The following AGBL1 variants were observed in gnomAD, a reference collection of about 807,000 sequenced individuals.
The protein encoded by AGBL1 is AGBL carboxypeptidase 1.
Under a neutral mutation model 118.9 loss-of-function variants are expected in AGBL1, and 130 were observed. The observed-to-expected ratio is 1.09, with a 90% CI of 0.95 to 1.26. The LOEUF is 1.26. Ranked by LOEUF, AGBL1 falls within the 50% of genes most tolerant of loss-of-function variation. The pLI, the probability that AGBL1 is intolerant of heterozygous loss-of-function variation, is 0.00. For synonymous variants in AGBL1, 555 were observed against 478.9 expected, an observed-to-expected ratio of 1.16 and a Z score of -2.08; for missense variants, 1,584 against 1,298.1, an observed-to-expected ratio of 1.22 and a Z score of -3.38.
intron 19 of AGBL1, among the ~76,000 whole-genome samples, chr15:86,529,933 T>G (rs1206157481): frequency 7.3e-6 from 1 of 137,562 alleles, no homozygotes; most frequent in Admixed American, 7.0e-5. Flanking sequence ...CCACCAGGCC[T>G]GCCCTAAAAG....
At chr15:86,963,822 G>A (rs141728309) in intron 23 of AGBL1, among the ~76,000 whole-genome samples, 1 of 151,896 alleles carries the variant, frequency 6.6e-6, no homozygotes, top group African/African-American at 2.4e-5. Flanking sequence ...CCTAGTGGAC[G>A]AGTGTCTGAT....
chr15:86,610,475 A>G (rs2142389428), intron 21 of AGBL1, among the ~76,000 whole-genome samples: 1 of 152,310 alleles, frequency 6.6e-6, no homozygotes, highest in South Asian at 2.1e-4. Flanking sequence ...GTGAATGTGG[A>G]ATGTACTTTG....
chr15:86,144,914 T>A (rs1015709216), intron 3 of AGBL1, among the ~76,000 whole-genome samples: 1 of 152,228 alleles, frequency 6.6e-6, no homozygotes, highest in Non-Finnish European at 1.5e-5. Flanking sequence ...AACAGAAGAC[T>A]GTTAGGAGGT....
At chr15:86,609,193 A>G (rs1372407663) in intron 21 of AGBL1, among the ~76,000 whole-genome samples, 1 of 152,162 alleles carries the variant, frequency 6.6e-6, no homozygotes, top group South Asian at 2.1e-4. Context: ...ATGGATAAAG[A>G]TTGAGGAAAC....
At chr15:86,988,713 T>A (rs1352279122) in intron 24 of AGBL1, among the ~76,000 whole-genome samples, 3 of 152,178 alleles carry the variant, frequency 2.0e-5, no homozygotes, top group African/African-American at 7.2e-5. Context: ...AACTGTATAT[T>A]GCTAGTGTGT....
chr15:86,457,129 A>G (rs369113945), intron 18 of AGBL1, among the ~76,000 whole-genome samples: 1 of 148,366 alleles, frequency 6.7e-6, no homozygotes, highest in Non-Finnish European at 1.5e-5. Flanking sequence ...ACGCATTCTT[A>G]AAAAAAAGCT....
At chr15:86,747,637 C>A (rs2077776561) in intron 22 of AGBL1, among the ~76,000 whole-genome samples, 1 of 152,230 alleles carries the variant, frequency 6.6e-6, no homozygotes, top group East Asian at 1.9e-4. Context: ...CCTCCCCACA[C>A]CCCACAACAG....
intron 1 of AGBL1, among the ~76,000 whole-genome samples, chr15:86,098,498 GAGAT>G (rs2141488322): frequency 6.6e-6 from 1 of 152,170 alleles, no homozygotes; most frequent in African/African-American, 2.4e-5. Context: ...TACATGCTGA[GAGAT>G]AGGGGTCCAT....
At chr15:86,129,779 A>G (rs1196108845) in intron 1 of AGBL1, among the ~76,000 whole-genome samples, 2 of 152,180 alleles carry the variant, frequency 1.3e-5, no homozygotes, top group African/African-American at 2.4e-5. Flanking sequence ...TGAGCTTGAG[A>G]AAGCCTGCAT....
At chr15:86,361,498 T>C (rs982598556) in intron 17 of AGBL1, among the ~76,000 whole-genome samples, 6 of 152,126 alleles carry the variant, frequency 3.9e-5, no homozygotes, top group African/African-American at 1.4e-4. Context: ...GCTTTTTCCT[T>C]ACTGATATTC....
intron 21 of AGBL1, among the ~76,000 whole-genome samples, chr15:86,602,670 G>C (rs1307558038): frequency 6.6e-6 from 1 of 152,098 alleles, no homozygotes; most frequent in Non-Finnish European, 1.5e-5. Context: ...ATGATTTAGT[G>C]GAATGGGTTG....
At chr15:86,520,049 C>A (rs1340097144) in intron 18 of AGBL1, among the ~76,000 whole-genome samples, 1 of 152,204 alleles carries the variant, frequency 6.6e-6, no homozygotes, top group Non-Finnish European at 1.5e-5. Context: ...ACCACAGCCT[C>A]TTGCCTGGAG....
intron 22 of AGBL1, among the ~76,000 whole-genome samples, chr15:86,885,129 C>CACAA (rs1416470535): frequency 6.6e-6 from 1 of 151,704 alleles, no homozygotes; most frequent in East Asian, 1.9e-4. Flanking sequence ...ACTTTACATA[C>CACAA]ATATACTGTT....
rs572177415 is a variant in AGBL1 at position 86,876,979 on chromosome 15, CATTATT to C, written c.3159-30101_3159-30096del. ...ACAATAGCAATACAATCCGTATTGTCATTATTATTATTTTCCCATTCCTGGTCTAGG... is the reference window on the plus strand; with the variant it reads ...ACAATAGCAATACAATCCGTATTGTCATTATTTTCCCATTCCTGGTCTAGG... On this transcript the variant is annotated intron_variant, in intron 22 of 22. Transcript: ENST00000614907. Among the ~76,000 whole-genome samples the C allele has an allele frequency of 5.6e-4, 85 of 152,184 alleles. 1 individual carries two copies. In the East Asian group the frequency reaches 0.015, roughly 27 times the overall value.
intron 22 of AGBL1, among the ~76,000 whole-genome samples, chr15:86,761,042 C>T (rs2078015843): frequency 6.6e-6 from 1 of 152,034 alleles, no homozygotes; most frequent in African/African-American, 2.4e-5. Flanking sequence ...TTGCCTTCTC[C>T]AAGAATATAC....
At position 87,006,075 on chromosome 15, in the gene AGBL1, C is replaced by A. The variant is rs186686718; in HGVS notation, c.3323+17987C>A. On this transcript the variant is annotated intron_variant, in intron 24 of 24. Transcript: ENST00000441037. ...TGGAGGTTTTGTCTCAGAAGAGTAC[C>A]CAGCCGTTTGAGGTATCAGTCTGCC... Among the ~76,000 whole-genome samples, 183 of 152,234 alleles carry A rather than the reference C, an allele frequency of 1.2e-3. 1 individual carries two copies. The highest frequency in any genetic ancestry group is 3.5e-3 in the Admixed American group (53 of 15,298).
chr15:86,161,773 A>C (rs1368400160), intron 5 of AGBL1, among the ~76,000 whole-genome samples: 5 of 152,146 alleles, frequency 3.3e-5, no homozygotes, highest in Admixed American at 6.5e-5. Context: ...CTTACTCATC[A>C]ACAGCAAGAT....
intron 5 of AGBL1, among the ~76,000 whole-genome samples, chr15:86,184,435 T>TC (rs200850732): frequency 3.7e-5 from 5 of 136,504 alleles, no homozygotes; most frequent in African/African-American, 1.4e-4. Flanking sequence ...TTTTCTTTCT[T>TC]TTTTTTTTTT....
intron 22 of AGBL1, among the ~76,000 whole-genome samples, chr15:86,703,702 G>C (rs1411227071): frequency 8.6e-5 from 13 of 151,988 alleles, no homozygotes; most frequent in Non-Finnish European, 1.9e-4. Flanking sequence ...GAGATCTGAT[G>C]TTTTCATAAA....
Sources: allele counts gnomAD v4.1 joint callset (sites outside exome capture counted in the v4.1 genomes callset), GRCh38; gene constraint gnomAD v4.1.1; transcripts MANE v1.5; gene names NCBI Gene and HGNC (gene_info 2026-07-23, HGNC 2026-07-21).